TRIM71: variants seen among roughly 807,000 people sequenced by gnomAD.
TRIM71 encodes tripartite motif containing 71.
A neutral mutation model predicts 61.2 loss-of-function variants in TRIM71; 9 were observed. That is an observed-to-expected ratio of 0.15 (90% CI 0.09 to 0.26). TRIM71 has a LOEUF of 0.26. Among genes scored for constraint, TRIM71 ranks in the 10% least tolerant of loss-of-function variants. TRIM71 has a pLI of 1.00. For synonymous variants in TRIM71, 645 were observed against 553.2 expected (o/e 1.17, Z -2.33); for missense variants, 998 against 1,238.7 (o/e 0.81, Z 2.92).
chr3:32,887,660 C>G lies in TRIM71; in HGVS notation c.1155+1592C>G, dbSNP rs529116757. Among the ~76,000 whole-genome samples, 18 of 152,118 alleles carry G rather than the reference C, an allele frequency of 1.2e-4. No homozygotes were observed. The South Asian group carries it at 3.5e-3, about 30-fold the overall frequency. Reference sequence around the variant, plus strand: ...AAATATCCAGATGCCTCTCTTCATTCTTGGGCCTTATGTATTTCCAGTGGA... The same window carrying G: ...AAATATCCAGATGCCTCTCTTCATTGTTGGGCCTTATGTATTTCCAGTGGA... On this transcript the variant is annotated intron_variant, in intron 3 of 3. Coordinates refer to ENST00000383763, the MANE Select transcript of TRIM71 (RefSeq NM_001039111.3).
At chr3:32,879,461 T>C (rs1696884600) in intron 2 of TRIM71, among the ~76,000 whole-genome samples, 1 of 152,174 alleles carries the variant, frequency 6.6e-6, no homozygotes, top group Admixed American at 6.6e-5. Flanking sequence ...TTCTTTCACT[T>C]GAACACTTAG....
intron 1 of TRIM71, among the ~76,000 whole-genome samples, chr3:32,825,294 A>G (rs887118862): frequency 4.6e-5 from 7 of 152,200 alleles, no homozygotes; most frequent in African/African-American, 1.2e-4. Flanking sequence ...CTGTCAATGA[A>G]GTTAAATGGC....
chr3:32,855,455 G>A (rs1313484189), intron 1 of TRIM71, among the ~76,000 whole-genome samples: 1 of 152,126 alleles, frequency 6.6e-6, no homozygotes. Flanking sequence ...GTGACCCCCA[G>A]GAGTGAAGTG....
At chr3:32,819,727 GCC>G (rs1368687270) in intron 1 of TRIM71, among the ~76,000 whole-genome samples, 3 of 152,110 alleles carry the variant, frequency 2.0e-5, no homozygotes, top group Non-Finnish European at 4.4e-5. Context: ...ACCTTCACCA[GCC>G]TGAGTCTCTT....
At chr3:32,854,267 T>C (rs1033866254) in intron 1 of TRIM71, among the ~76,000 whole-genome samples, 7 of 152,230 alleles carry the variant, frequency 4.6e-5, no homozygotes, top group African/African-American at 7.2e-5. Flanking sequence ...GTGCTGGGAT[T>C]ACACACGTAA....
rs757175523 is a variant in TRIM71 at position 32,891,133 on chromosome 3, C to T, written c.1929C>T (p.Phe643=). ...FKPCGAFHHK[F]GTLGSRPGQF... is the part of the protein sequence containing the mutation. ...CCTGCGGCGCCTTCCACCACAAATT[C>T]GGCACCCTGGGCTCCCGGCCTGGGC... Residue 643 remains phenylalanine, a synonymous_variant, in exon 4 of 4, where the codon TTC becomes TTT. Transcript: ENST00000383763. The surrounding 1 kb of genome is among the most constrained non-coding windows in gnomAD (Gnocchi z 8.2). 6 of 1,612,244 alleles carry T rather than the reference C, an allele frequency of 3.7e-6. No homozygotes were observed. Among genetic ancestry groups the T allele is most frequent in the Admixed American group, 3.3e-5 (2 of 59,978 alleles).
intron 1 of TRIM71, among the ~76,000 whole-genome samples, chr3:32,848,373 C>T (rs969782468): frequency 9.9e-5 from 15 of 152,254 alleles, no homozygotes; most frequent in African/African-American, 3.6e-4. Context: ...AGGTCTGGCC[C>T]ATAAACTCTT....
Position 32,896,489 on chromosome 3 carries a change from C to A in TRIM71, c.*4678C>A, listed in dbSNP as rs1401264740. On this transcript the variant is annotated 3_prime_UTR_variant, in exon 4 of 4. Coordinates refer to ENST00000383763, the MANE Select transcript of TRIM71 (RefSeq NM_001039111.3). ...AAATACTTGATAAAGTTGAGAAGCA[C>A]ATTACCAGGATATACTGTATTGACC... 6.6e-6 allele frequency: 1 copy of A among 151,866 alleles called. No individual in the cohort carries two copies. The highest frequency in any genetic ancestry group is 2.4e-5 in the African/African-American group (1 of 41,314). 9.4% of individuals were successfully genotyped at this position (151,866 alleles called of 1,614,324 possible).
chr3:32,832,103 G>C (rs1209086764), intron 1 of TRIM71, among the ~76,000 whole-genome samples: 1 of 152,062 alleles, frequency 6.6e-6, no homozygotes, highest in Non-Finnish European at 1.5e-5. Flanking sequence ...ATTGTGGTGG[G>C]GGGGGATTCT....
chr3:32,844,459 T>G (rs1696448077), intron 1 of TRIM71, among the ~76,000 whole-genome samples: 1 of 152,178 alleles, frequency 6.6e-6, no homozygotes, highest in Admixed American at 6.5e-5. Flanking sequence ...TGCAGTGGCG[T>G]GATCACAGCT....
intron 1 of TRIM71, among the ~76,000 whole-genome samples, chr3:32,825,633 T>G (rs531282992): frequency 7.1e-4 from 108 of 152,270 alleles, no homozygotes; most frequent in African/African-American, 2.6e-3. Flanking sequence ...ATAAAACTAA[T>G]AAAGGTTAAA....
intron 1 of TRIM71, among the ~76,000 whole-genome samples, chr3:32,855,782 G>A (rs911459345): frequency 6.6e-6 from 1 of 151,968 alleles, no homozygotes; most frequent in African/African-American, 2.4e-5. Context: ...TGAGGGAAGG[G>A]ATGCCCTATG....
intron 1 of TRIM71, among the ~76,000 whole-genome samples, chr3:32,859,002 G>T (rs539619130): frequency 6.6e-6 from 1 of 152,190 alleles, no homozygotes; most frequent in East Asian, 1.9e-4. Flanking sequence ...GGATGGTGAG[G>T]CTCTGCCCCT....
At chr3:32,847,190 A>ATT (rs35654776) in intron 1 of TRIM71, among the ~76,000 whole-genome samples, 1,171 of 107,058 alleles carry the variant, frequency 0.011, 35 homozygotes, top group African/African-American at 0.038. Context: ...AGGTCCAGCA[A>ATT]TTTTTTTTTT....
intron 2 of TRIM71, among the ~76,000 whole-genome samples, chr3:32,884,542 A>G (rs1167334296): frequency 0.025 from 6 of 236 alleles, no homozygotes; most frequent in East Asian, 0.17. Flanking sequence ...CTCTATTTGA[A>G]AAAAAAAAAA....
Position 32,818,555 on chromosome 3 carries a change from C to T in TRIM71, c.475C>T (p.Arg159Cys), listed in dbSNP as rs1013866815. Reference protein sequence around the residue: ...HRHHAHHAHPRASASAPPLPQ... With the variant: ...HRHHAHHAHPCASASAPPLPQ... ...GCACCACGCTCACCACGCGCACCCG[C>T]GCGCGTCCGCCTCCGCGCCGCCACT... is the stretch of plus-strand genomic sequence containing the variant. The change falls in exon 1 of 4, where the codon CGC becomes TGC. Residue 159 changes from arginine (R) to cysteine (C), a missense_variant. This residue lies in a region of TRIM71 where 527 missense variants were observed against 427.8 expected (regional missense o/e 1.23). Transcript: ENST00000383763. 7.9e-7 allele frequency: 1 copy of T among 1,263,764 alleles called. No homozygotes were observed. Among genetic ancestry groups the T allele is most frequent in the Non-Finnish European group, 9.9e-7 (1 of 1,011,772 alleles). The allele number at this position is 1,263,764 out of a possible 1,614,324, so 78.3% of individuals were successfully genotyped here. A position where few individuals can be genotyped will look rare whatever the true frequency, so the allele number is the denominator to read the frequency against.
intron 1 of TRIM71, among the ~76,000 whole-genome samples, chr3:32,827,950 CTT>C (rs1448460190): frequency 6.6e-6 from 1 of 152,128 alleles, no homozygotes; most frequent in African/African-American, 2.4e-5. Context: ...GTTTCATACT[CTT>C]TTGGGACTAA....
intron 3 of TRIM71, among the ~76,000 whole-genome samples, chr3:32,889,420 G>C (rs1027936187): frequency 3.3e-5 from 5 of 151,974 alleles, no homozygotes; most frequent in Non-Finnish European, 5.9e-5. Flanking sequence ...TGGGATTACA[G>C]GTGCACAGCA....
intron 1 of TRIM71, among the ~76,000 whole-genome samples, chr3:32,836,034 T>C (rs2125677521): frequency 6.6e-6 from 1 of 152,364 alleles, no homozygotes; most frequent in Admixed American, 6.5e-5. Flanking sequence ...TGATTGCCTC[T>C]TTTATTTGGC....
Sources: gnomAD v4.1 joint callset for allele counts (sites outside exome capture counted in the v4.1 genomes callset) on GRCh38, gnomAD v4.1.1 for gene constraint, gnomAD v4.1.1 regional missense constraint, Gnocchi (gnomAD v3.1) non-coding constraint, MANE v1.5 for transcripts, NCBI Gene and HGNC (gene_info 2026-07-23, HGNC 2026-07-21) for gene names.